Variants in MARCHF1 observed in about 807,000 individuals in gnomAD.
MARCHF1 encodes E3 ubiquitin-protein ligase MARCHF1.
MARCHF1 carries 40 observed loss-of-function variants against 54.2 expected under a neutral mutation model. That is an observed-to-expected ratio of 0.74 (90% CI 0.57 to 0.96). The LOEUF (loss-of-function observed/expected upper bound fraction) is 0.96, where lower values mean the gene tolerates loss of function less well. Ranked by LOEUF, MARCHF1 falls within the 40% of genes least tolerant of loss-of-function variation. The probability of loss-of-function intolerance (pLI) is 0.00; values close to 1 mark genes in which losing one functional copy is unlikely to be tolerated. For synonymous variants in MARCHF1, 236 were observed against 236.3 expected, an observed-to-expected ratio of 1.00 and a Z score of 0.01; for missense variants, 586 against 656.5, an observed-to-expected ratio of 0.89 and a Z score of 1.17.
intron 3 of MARCHF1, among the ~76,000 whole-genome samples, chr4:163,860,929 G>T (rs1473735348): frequency 6.6e-6 from 1 of 152,084 alleles, no homozygotes. Context: ...AAAAAATTAC[G>T]AAGCATGCTA....
chr4:164,031,892 T>A (rs1041696879), intron 2 of MARCHF1, among the ~76,000 whole-genome samples: 2 of 152,154 alleles, frequency 1.3e-5, no homozygotes, highest in Admixed American at 6.5e-5. Flanking sequence ...TTTGGAAAAA[T>A]TTCAGAAGGA....
intron 3 of MARCHF1, among the ~76,000 whole-genome samples, chr4:163,939,063 G>A: frequency 6.6e-6 from 1 of 152,054 alleles, no homozygotes; most frequent in Non-Finnish European, 1.5e-5. Context: ...CTAACCCTCT[G>A]GTAAATTACA....
chr4:163,994,839 A>C (rs1275619831), intron 2 of MARCHF1, among the ~76,000 whole-genome samples: 1 of 151,308 alleles, frequency 6.6e-6, no homozygotes, highest in Non-Finnish European at 1.5e-5. Context: ...GTCTAGATGT[A>C]GAGATACATG....
intron 1 of MARCHF1, among the ~76,000 whole-genome samples, chr4:164,229,681 T>A (rs1478506594): frequency 6.6e-6 from 1 of 152,090 alleles, no homozygotes; most frequent in Non-Finnish European, 1.5e-5. Flanking sequence ...GATACTGTCA[T>A]CTGGTTGGTT....
chr4:164,067,144 TC>T (rs1754748153), intron 2 of MARCHF1, among the ~76,000 whole-genome samples: 1 of 152,198 alleles, frequency 6.6e-6, no homozygotes, highest in South Asian at 2.1e-4. Flanking sequence ...CATTATTTGA[TC>T]ATTACAATGT....
At position 164,056,053 on chromosome 4, in the gene MARCHF1, T is replaced by G. The variant is rs937418842; in HGVS notation, c.-248+55535A>C. ...TAGAAAAAAAAGTCCCACTGTAGCCTGCAGGAGTCCTTTAGCTTTGGACTG... is the reference window on the plus strand; with the variant it reads ...TAGAAAAAAAAGTCCCACTGTAGCCGGCAGGAGTCCTTTAGCTTTGGACTG... On this transcript the variant is annotated intron_variant, in intron 2 of 9. Coordinates refer to ENST00000514618, the MANE Select transcript of MARCHF1 (RefSeq NM_001394959.1). Among the ~76,000 whole-genome samples, 7 of 152,348 alleles carry G rather than the reference T, an allele frequency of 4.6e-5. No individual in the cohort carries two copies. In the East Asian group the frequency reaches 1.4e-3, roughly 29 times the overall value.
intron 3 of MARCHF1, among the ~76,000 whole-genome samples, chr4:163,900,039 A>G (rs980742222): frequency 2.0e-5 from 3 of 152,164 alleles, no homozygotes; most frequent in African/African-American, 7.2e-5. Context: ...ACCTTCAGTG[A>G]TCCCATCCCC....
chr4:164,099,472 T>C (rs1415816928), intron 2 of MARCHF1, among the ~76,000 whole-genome samples: 1 of 152,166 alleles, frequency 6.6e-6, no homozygotes, highest in Admixed American at 6.5e-5. Flanking sequence ...AAAATCAGTT[T>C]GAGATAAGCT....
chr4:164,065,135 G>A (rs984924053), intron 2 of MARCHF1, among the ~76,000 whole-genome samples: 17 of 152,258 alleles, frequency 1.1e-4, no homozygotes, highest in Non-Finnish European at 1.5e-4. Context: ...TCTCTGCCTG[G>A]TTTTGGTATC....
At chr4:163,904,404 T>G (rs12504206) in intron 3 of MARCHF1, among the ~76,000 whole-genome samples, 143,369 of 152,234 alleles carry the variant, frequency 0.94, 67,934 homozygotes, top group South Asian at 0.99. Context: ...TAAAGTTTAA[T>G]ATCCTTGGAA....
At chr4:164,344,348 C>T (rs1730014640) in intron 1 of MARCHF1, among the ~76,000 whole-genome samples, 1 of 152,070 alleles carries the variant, frequency 6.6e-6, no homozygotes, top group Non-Finnish European at 1.5e-5. Context: ...ATGTAACAAA[C>T]CTCGATGTGT....
chr4:163,952,786 G>A (rs539160568), intron 3 of MARCHF1, among the ~76,000 whole-genome samples: 159 of 152,192 alleles, frequency 1.0e-3, no homozygotes, highest in Non-Finnish European at 1.9e-3. Context: ...TTAGTCAAAA[G>A]GCTTACATGA....
At chr4:163,733,577 G>A (rs967747397) in intron 4 of MARCHF1, among the ~76,000 whole-genome samples, 1 of 151,248 alleles carries the variant, frequency 6.6e-6, no homozygotes, top group Non-Finnish European at 1.5e-5. Flanking sequence ...TTAGCATTAG[G>A]TATATCTCCT....
At chr4:163,614,015 T>G (rs1311811533) in intron 5 of MARCHF1, among the ~76,000 whole-genome samples, 1 of 152,132 alleles carries the variant, frequency 6.6e-6, no homozygotes, top group Admixed American at 6.6e-5. Context: ...CATCAGATTA[T>G]TAGCATAAAG....
chr4:164,290,733 T>C (rs959204785), intron 1 of MARCHF1, among the ~76,000 whole-genome samples: 8 of 152,100 alleles, frequency 5.3e-5, no homozygotes, highest in South Asian at 2.1e-4. Flanking sequence ...TTGAAAAGTA[T>C]TCATACTTCA....
chr4:164,206,201 C>T (rs1472254272), intron 1 of MARCHF1, among the ~76,000 whole-genome samples: 1 of 152,178 alleles, frequency 6.6e-6, no homozygotes, highest in Non-Finnish European at 1.5e-5. Context: ...CTTTGGGAGG[C>T]TCAGGCAGGC....
chr4:163,741,047 GTC>G (rs1294732596), intron 4 of MARCHF1, among the ~76,000 whole-genome samples: 2 of 152,212 alleles, frequency 1.3e-5, no homozygotes, highest in East Asian at 3.9e-4. Flanking sequence ...TGTCTACTTA[GTC>G]TTTGTAGCAC....
intron 1 of MARCHF1, among the ~76,000 whole-genome samples, chr4:164,176,980 C>CTCTCTCTCTA (rs1466683245): frequency 7.5e-4 from 44 of 58,884 alleles, no homozygotes; most frequent in African/African-American, 2.7e-3. Context: ...CTCTCTCTCT[C>CTCTCTCTCTA]TATATATATA....
At chr4:163,939,194 C>T (rs775226861) in intron 3 of MARCHF1, among the ~76,000 whole-genome samples, 21 of 152,130 alleles carry the variant, frequency 1.4e-4, no homozygotes, top group African/African-American at 3.9e-4. Context: ...GCTCCAGGCA[C>T]GGTTGGGAAA....
Sources: gnomAD v4.1 joint callset for allele counts (sites outside exome capture counted in the v4.1 genomes callset) on GRCh38, gnomAD v4.1.1 for gene constraint, MANE v1.5 for transcripts, NCBI Gene and HGNC (gene_info 2026-07-23, HGNC 2026-07-21) for gene names.